Variants in NCALD observed in about 807,000 individuals in gnomAD.
The protein encoded by NCALD is neurocalcin-delta.
In NCALD, 10 loss-of-function variants were observed where a neutral mutation model predicts 18.6. The ratio of observed to expected loss-of-function variants is 0.54; its 90% confidence interval spans 0.33 to 0.91. The LOEUF (loss-of-function observed/expected upper bound fraction) is 0.91. NCALD is among the 40% of genes least tolerant of loss of function. NCALD has a pLI of 0.03. For missense variants in NCALD, 184 were observed against 247.6 expected (o/e 0.74, Z 1.72); for synonymous variants, 88 against 87.4 (o/e 1.01, Z -0.04).
chr8:101,902,307 G>A (rs1293942802), intron 3 of NCALD, among the ~76,000 whole-genome samples: 3 of 145,702 alleles, frequency 2.1e-5, no homozygotes, highest in Admixed American at 6.9e-5. Context: ...CATTTTCCTA[G>A]AAATTGGAAA....
At chr8:101,811,710 G>C (rs1028761421) in intron 4 of NCALD, among the ~76,000 whole-genome samples, 2 of 152,138 alleles carry the variant, frequency 1.3e-5, no homozygotes, top group Admixed American at 6.6e-5. Context: ...TCAGGGGAGG[G>C]AGATGTTCCT....
intron 4 of NCALD, among the ~76,000 whole-genome samples, chr8:101,818,754 C>T (rs778112860): frequency 1.3e-5 from 2 of 152,120 alleles, no homozygotes; most frequent in African/African-American, 2.4e-5. Flanking sequence ...GCCTGTAATC[C>T]CAGCACTTTG....
intron 4 of NCALD, among the ~76,000 whole-genome samples, chr8:101,829,974 G>T (rs1027092158): frequency 3.4e-4 from 40 of 116,126 alleles, no homozygotes; most frequent in Admixed American, 5.4e-4. Flanking sequence ...AGTCACATGG[G>T]TTTTTTTTTT....
At chr8:101,899,725 A>ACCACCC (rs370679479) in intron 3 of NCALD, among the ~76,000 whole-genome samples, 10,233 of 151,876 alleles carry the variant, frequency 0.067, 710 homozygotes, top group African/African-American at 0.17. Flanking sequence ...CCTAGAATAA[A>ACCACCC]TATATGGTTA....
chr8:101,733,037 C>T (rs931158322), intron 1 of NCALD, among the ~76,000 whole-genome samples: 5 of 152,144 alleles, frequency 3.3e-5, no homozygotes, highest in African/African-American at 9.7e-5. Flanking sequence ...ATGCAACTCA[C>T]GGTCCCAGGG....
At chr8:101,938,666 AC>A (rs1415829138) in intron 2 of NCALD, among the ~76,000 whole-genome samples, 1 of 151,030 alleles carries the variant, frequency 6.6e-6, no homozygotes, top group East Asian at 1.9e-4. Flanking sequence ...AAAAAAAAAA[AC>A]TTGTAAGTGG....
At chr8:101,726,869 A>G (rs917575841) in intron 1 of NCALD, among the ~76,000 whole-genome samples, 2 of 152,196 alleles carry the variant, frequency 1.3e-5, no homozygotes, top group Non-Finnish European at 2.9e-5. Context: ...CGCAAACACC[A>G]GATGACAGCA....
chr8:101,753,877 T>C (rs1810763375), intron 1 of NCALD, among the ~76,000 whole-genome samples: 1 of 152,230 alleles, frequency 6.6e-6, no homozygotes, highest in Non-Finnish European at 1.5e-5. Flanking sequence ...GGAAGCACTC[T>C]ACCTCTGGAC....
intron 3 of NCALD, among the ~76,000 whole-genome samples, chr8:101,891,504 G>C (rs1816879759): frequency 6.6e-6 from 1 of 152,222 alleles, no homozygotes; most frequent in African/African-American, 2.4e-5. Context: ...GTTTGCAGGG[G>C]AGGAGCCAAG....
intron 1 of NCALD, among the ~76,000 whole-genome samples, chr8:102,099,981 C>CAAAA (rs1360552443): frequency 1.4e-5 from 1 of 73,296 alleles, no homozygotes; most frequent in African/African-American, 5.3e-5. Flanking sequence ...GACTCTGTCT[C>CAAAA]AAAAAAAAAA....
chr8:101,820,882 G>A (rs1285469635), intron 4 of NCALD, among the ~76,000 whole-genome samples: 1 of 152,212 alleles, frequency 6.6e-6, no homozygotes, highest in African/African-American at 2.4e-5. Flanking sequence ...AGCATGAAAT[G>A]GCAAATAACC....
At position 101,952,864 on chromosome 8, in the gene NCALD, C is replaced by T. The variant is rs545649665; in HGVS notation, c.-156-37006G>A. Among the ~76,000 whole-genome samples, 4 of 151,810 alleles carry T rather than the reference C, an allele frequency of 2.6e-5. No individual in the cohort carries two copies. In the East Asian group the frequency reaches 7.7e-4, roughly 29 times the overall value. ...GTTCTCTGCCCGGCTTGCCAACTGC[C>T]TGTGTGGCCACAAATGCAACTGACA... On this transcript the variant is annotated intron_variant, in intron 2 of 6. Coordinates refer to the NCALD transcript ENST00000311028.
intron 2 of NCALD, among the ~76,000 whole-genome samples, chr8:101,959,244 A>G (rs1430138579): frequency 6.6e-6 from 1 of 151,948 alleles, no homozygotes; most frequent in Non-Finnish European, 1.5e-5. Flanking sequence ...ATGGCCCTCA[A>G]TTTGAGTTTT....
chr8:101,974,271 G>A (rs962544419), intron 2 of NCALD, among the ~76,000 whole-genome samples: 1 of 152,080 alleles, frequency 6.6e-6, no homozygotes, highest in Non-Finnish European at 1.5e-5. Context: ...ATAAATAAAA[G>A]CATATTTGGA....
chr8:102,081,873 G>A (rs1428098016), intron 1 of NCALD, among the ~76,000 whole-genome samples: 2 of 152,140 alleles, frequency 1.3e-5, no homozygotes, highest in Non-Finnish European at 2.9e-5. Context: ...TAGCCCTAAA[G>A]GCAACCATTT....
At chr8:101,781,014 A>T (rs370390808) in intron 1 of NCALD, among the ~76,000 whole-genome samples, 176 of 152,256 alleles carry the variant, frequency 1.2e-3, no homozygotes, top group African/African-American at 4.2e-3. Flanking sequence ...TTCTATTTCT[A>T]AATAGTAACA....
At chr8:102,063,823 C>T (rs1201603247) in intron 1 of NCALD, among the ~76,000 whole-genome samples, 1 of 152,138 alleles carries the variant, frequency 6.6e-6, no homozygotes, top group African/African-American at 2.4e-5. Flanking sequence ...AATGACCCAG[C>T]CAACTTGCTC....
intron 4 of NCALD, chr8:101,872,004 C>A: frequency 1.1e-6 from 1 of 934,230 alleles, no homozygotes. Context: ...CGCCAAACAC[C>A]AGAGGACCGA....
intron 2 of NCALD, among the ~76,000 whole-genome samples, chr8:101,946,428 T>A (rs1320143438): frequency 6.6e-6 from 1 of 152,128 alleles, no homozygotes; most frequent in African/African-American, 2.4e-5. Flanking sequence ...AACTGAGTCT[T>A]CAAAAAGTTT....
Sources: gnomAD v4.1 joint callset for allele counts (sites outside exome capture counted in the v4.1 genomes callset) on GRCh38, gnomAD v4.1.1 for gene constraint, MANE v1.5 for transcripts, NCBI Gene and HGNC (gene_info 2026-07-23, HGNC 2026-07-21) for gene names.